Variants in NHSL2 observed in about 807,000 individuals in gnomAD.
NHSL2 encodes NHS-like protein 2.
NHSL2 carries 27 observed loss-of-function variants against 53.4 expected under a neutral mutation model. That is an observed-to-expected ratio of 0.51 (90% CI 0.37 to 0.70). The LOEUF (loss-of-function observed/expected upper bound fraction) is 0.70. NHSL2 is among the 30% of genes least tolerant of loss of function. NHSL2 has a pLI of 0.00. For synonymous variants in NHSL2, 408 were observed against 404.1 expected, an observed-to-expected ratio of 1.01 and a Z score of -0.12; for missense variants, 892 against 980.1, an observed-to-expected ratio of 0.91 and a Z score of 1.20.
chrX:72,046,328 GCT>G (rs2042305632), intron 1 of NHSL2, among the ~76,000 whole-genome samples: 2 of 112,110 alleles, frequency 1.8e-5, no homozygotes, highest in Non-Finnish European at 3.8e-5. Context: ...CCATAAGGCA[GCT>G]CCATATACTG....
At chrX:71,994,904 C>T (rs2042043361) in intron 1 of NHSL2, among the ~76,000 whole-genome samples, 2 of 111,560 alleles carry the variant, frequency 1.8e-5, no homozygotes, top group African/African-American at 6.5e-5. Flanking sequence ...TGGAGAGTGG[C>T]TGCTGCCCCC....
intron 1 of NHSL2, among the ~76,000 whole-genome samples, chrX:72,049,039 GGAA>G (rs1200689754): frequency 4.2e-5 from 4 of 94,653 alleles, no homozygotes; most frequent in African/African-American, 2.0e-4. Flanking sequence ...AAGAGGAAGA[GGAA>G]GAAGAAGAAG....
chrX:72,053,783 G>C (rs755837384), intron 1 of NHSL2, among the ~76,000 whole-genome samples: 84 of 111,357 alleles, frequency 7.5e-4, no homozygotes, highest in Non-Finnish European at 1.4e-3. Flanking sequence ...TTTGTAATAC[G>C]CTCCTCATTT....
chrX:72,093,153 T>C (rs2041912005), intron 1 of NHSL2, among the ~76,000 whole-genome samples: 1 of 112,811 alleles, frequency 8.9e-6, no homozygotes, highest in African/African-American at 3.2e-5. Flanking sequence ...ACCACAAATA[T>C]GTCTACTTCT....
intron 1 of NHSL2, among the ~76,000 whole-genome samples, chrX:71,963,985 A>ATGTG (rs2041883129): frequency 1.6e-5 from 1 of 64,399 alleles, no homozygotes; most frequent in African/African-American, 7.2e-5. Flanking sequence ...ATATATATAT[A>ATGTG]TATATATGTA....
intron 1 of NHSL2, among the ~76,000 whole-genome samples, chrX:72,050,327 TG>T (rs1179922106): frequency 9.0e-6 from 1 of 111,297 alleles, no homozygotes; most frequent in African/African-American, 3.3e-5. Context: ...TTAGGAGCTG[TG>T]GGGTCATTTT....
chrX:72,100,560 A>G (rs1444945829), intron 1 of NHSL2, among the ~76,000 whole-genome samples: 1 of 112,347 alleles, frequency 8.9e-6, no homozygotes, highest in Non-Finnish European at 1.9e-5. Flanking sequence ...GTCACACAGC[A>G]GGAGGTGAGT....
At chrX:71,961,888 C>T (rs754455130) in intron 1 of NHSL2, among the ~76,000 whole-genome samples, 2 of 111,954 alleles carry the variant, frequency 1.8e-5, no homozygotes, top group Non-Finnish European at 3.8e-5. Flanking sequence ...AGGCTGGTCT[C>T]GAACTCCTGG....
chrX:71,973,157 T>C (rs1213625292), intron 1 of NHSL2, among the ~76,000 whole-genome samples: 1 of 111,737 alleles, frequency 8.9e-6, no homozygotes, highest in African/African-American at 3.3e-5. Context: ...GGCTGTCCTT[T>C]GTTGCTTGAA....
chrX:72,117,301 A>G (rs1222126367), intron 1 of NHSL2, among the ~76,000 whole-genome samples: 1 of 101,030 alleles, frequency 9.9e-6, no homozygotes, highest in Non-Finnish European at 2.0e-5. Flanking sequence ...ATCTAGTATG[A>G]TGCACTAGAA....
intron 1 of NHSL2, among the ~76,000 whole-genome samples, chrX:71,965,161 C>T (rs1256409805): frequency 8.9e-6 from 1 of 112,174 alleles, no homozygotes; most frequent in East Asian, 2.8e-4. Context: ...GACTAATAAT[C>T]GAAGTTTTCA....
rs1486320387 is a variant in NHSL2, at chrX:72,145,110, A to T, written c.*1536A>T. Reference sequence around the variant, plus strand: ...GAATGAAATTGTAGCCTGCTTCACAAAGAGAGTTCCCCAGCCCCTTCCTAC... The same window carrying T: ...GAATGAAATTGTAGCCTGCTTCACATAGAGAGTTCCCCAGCCCCTTCCTAC... On this transcript the variant is annotated 3_prime_UTR_variant, in exon 8 of 8. Coordinates refer to ENST00000633930, the MANE Select transcript of NHSL2 (RefSeq NM_001013627.3). The T allele has an allele frequency of 3.6e-5, 4 of 112,065 alleles. No individual in the cohort carries two copies. The highest frequency in any genetic ancestry group is 7.5e-5 in the Non-Finnish European group (4 of 53,336). The allele number at this position is 112,065 out of a possible 1,213,427, so 9.2% of individuals were successfully genotyped here. A position where few individuals can be genotyped will look rare whatever the true frequency, so the allele number is the denominator to read the frequency against.
chrX:71,945,703 A>C (rs1198254447), intron 1 of NHSL2, among the ~76,000 whole-genome samples: 1 of 111,998 alleles, frequency 8.9e-6, no homozygotes, highest in Admixed American at 9.5e-5. Context: ...GCCTGAAGAC[A>C]GGAGGGAAGC....
At chrX:71,987,366 C>G (rs1365218565) in intron 1 of NHSL2, among the ~76,000 whole-genome samples, 1 of 112,239 alleles carries the variant, frequency 8.9e-6, no homozygotes, top group African/African-American at 3.2e-5. Context: ...GACAGAAGTA[C>G]AGATAAAGGC....
At chrX:72,063,423 G>A (rs192028899) in intron 1 of NHSL2, among the ~76,000 whole-genome samples, 111 of 111,825 alleles carry the variant, frequency 9.9e-4, no homozygotes, top group Middle Eastern at 4.7e-3. Context: ...AGCCACACAC[G>A]TTGATGAATG....
At chrX:71,955,321 C>T (rs1232012574) in intron 1 of NHSL2, among the ~76,000 whole-genome samples, 1 of 111,296 alleles carries the variant, frequency 9.0e-6, no homozygotes, top group Non-Finnish European at 1.9e-5. Context: ...AAACACCATC[C>T]AAATGCTGTT....
rs1010845970 is a variant in NHSL2 at position 72,143,863 on chromosome X, G to A, written c.*289G>A. 1 of 186,135 alleles carries A rather than the reference G, an allele frequency of 5.4e-6. No individual in the cohort carries two copies. Among genetic ancestry groups the A allele is most frequent in the Non-Finnish European group, 9.9e-6 (1 of 100,564 alleles). 15.3% of individuals were successfully genotyped at this position (186,135 alleles called of 1,213,427 possible). On this transcript the variant is annotated 3_prime_UTR_variant, in exon 8 of 8. Coordinates refer to ENST00000633930, the MANE Select transcript of NHSL2 (RefSeq NM_001013627.3). ...TGCACTAACTAAGAAGAAATTTTCA[G>A]ATGTCAGGGCACATGTGCCACTTTT...
intron 1 of NHSL2, among the ~76,000 whole-genome samples, chrX:72,067,677 C>T (rs2042439336): frequency 8.9e-6 from 1 of 112,300 alleles, no homozygotes; most frequent in Non-Finnish European, 1.9e-5. Context: ...TCTGGCCCTT[C>T]ATGCTTGCTC....
intron 1 of NHSL2, among the ~76,000 whole-genome samples, chrX:71,951,005 TACACACACACACACACACACAC>T (rs10527333): frequency 1.1e-5 from 1 of 89,750 alleles, no homozygotes; most frequent in Admixed American, 1.3e-4. Context: ...AAATACAAAA[TACACACACACACACACACACAC>T]ACACACACAC....
Sources: gnomAD v4.1 joint callset for allele counts (sites outside exome capture counted in the v4.1 genomes callset) on GRCh38, gnomAD v4.1.1 for gene constraint, MANE v1.5 for transcripts, NCBI Gene and HGNC (gene_info 2026-07-23, HGNC 2026-07-21) for gene names.